Variants in IQCM observed in about 807,000 individuals in gnomAD.
The protein encoded by IQCM is IQ domain-containing protein M.
IQCM carries 45 observed loss-of-function variants against 57.6 expected under a neutral mutation model. The ratio of observed to expected loss-of-function variants is 0.78; its 90% CI spans 0.62 to 1.00. IQCM has a LOEUF of 1.00. Ranked by LOEUF, IQCM falls within the 50% of genes least tolerant of loss-of-function variation. The pLI is 0.00. For synonymous variants in IQCM, 148 were observed against 158.9 expected, an observed-to-expected ratio of 0.93 and a Z score of 0.51; for missense variants, 468 against 511.6, an observed-to-expected ratio of 0.91 and a Z score of 0.82.
chr4:149,778,226 A>G (rs1771279535), intron 2 of IQCM, among the ~76,000 whole-genome samples: 2 of 152,138 alleles, frequency 1.3e-5, no homozygotes, highest in South Asian at 2.1e-4. Context: ...AATACAAAAA[A>G]TTAGCCAGGC....
At chr4:149,352,190 A>G (rs974898297) in intron 13 of IQCM, 124 bp from the exon 14 acceptor site, 19 of 393,428 alleles carry the variant, frequency 4.8e-5, no homozygotes, top group Admixed American at 8.8e-5. Context: ...CATGCAAAAG[A>G]CTGGACTTGG....
At chr4:149,357,694 G>T (rs1441061180) in intron 13 of IQCM, among the ~76,000 whole-genome samples, 2 of 152,168 alleles carry the variant, frequency 1.3e-5, no homozygotes, top group African/African-American at 4.8e-5. Context: ...AAGGATATTG[G>T]TCTTGAATTC....
intron 12 of IQCM, among the ~76,000 whole-genome samples, chr4:149,449,230 CA>C (rs1736829980): frequency 2.2e-5 from 3 of 134,572 alleles, no homozygotes; most frequent in Non-Finnish European, 4.7e-5. Flanking sequence ...TCTATCAAAA[CA>C]AACAAACAAA....
At chr4:149,503,972 A>G (rs1005518307) in intron 12 of IQCM, among the ~76,000 whole-genome samples, 2 of 152,170 alleles carry the variant, frequency 1.3e-5, no homozygotes. Flanking sequence ...AAATTAAACA[A>G]ATTAGCAAAT....
In IQCM at chr4:149,705,034, A is replaced by C. The variant is rs550896193; in HGVS notation, c.386-18566T>G. ...TAAGGCCTTCAGACTTGGACTTACA[A>C]CACCAGCTTTCCTGGTTCTCCAGCT... On this transcript the variant is annotated intron_variant, in intron 5 of 13. Coordinates refer to ENST00000636793, the MANE Select transcript of IQCM (RefSeq NM_001363507.2). 1.4e-4 allele frequency among the ~76,000 whole-genome samples: 21 copies of C among 151,642 alleles called. No homozygotes were observed. In the South Asian group the frequency reaches 1.5e-3, roughly 10 times the overall value.
intron 2 of IQCM, among the ~76,000 whole-genome samples, chr4:149,784,706 G>T (rs1233564693): frequency 1.3e-5 from 2 of 152,058 alleles, no homozygotes; most frequent in Admixed American, 6.5e-5. Context: ...GAGCCACCGC[G>T]CCCGGCCTGA....
At chr4:149,520,116 G>T (rs1297910146) in intron 12 of IQCM, among the ~76,000 whole-genome samples, 1 of 151,976 alleles carries the variant, frequency 6.6e-6, no homozygotes, top group African/African-American at 2.4e-5. Flanking sequence ...GGTAATAATG[G>T]TTAACATTTT....
rs150965077 is a variant in IQCM at position 149,682,674 on chromosome 4, T to C, written c.477-468A>G. Among the ~76,000 whole-genome samples the C allele has an allele frequency of 1.7e-3, 255 of 151,334 alleles. 2 individuals carry two copies. Among genetic ancestry groups the C allele is most frequent in the Middle Eastern group, 6.8e-3 (2 of 294 alleles). ...CCCTAATCTTATTACCCTGATATTT[T>C]AGTAATAATTGCAAACCCTTCAATG... On this transcript the variant is annotated intron_variant, in intron 6 of 13. Coordinates refer to ENST00000636793, the MANE Select transcript of IQCM (RefSeq NM_001363507.2).
chr4:149,461,977 G>A (rs2149711460), intron 12 of IQCM, among the ~76,000 whole-genome samples: 1 of 152,082 alleles, frequency 6.6e-6, no homozygotes, highest in East Asian at 1.9e-4. Context: ...CTGGGGGTTG[G>A]GGTCCCCTAT....
At chr4:149,481,701 G>GTTTTTTTTTTTTTTTTTTTGTTTTTTTT (rs1740841793) in intron 12 of IQCM, among the ~76,000 whole-genome samples, 10 of 51,572 alleles carry the variant, frequency 1.9e-4, no homozygotes, top group African/African-American at 3.0e-4. Context: ...TTCCAGTTTT[G>GTTTTTTTTTTTTTTTTTTTGTTTTTTTT]TTTTTTTTTT....
chr4:149,683,588 T>C lies in IQCM; in HGVS notation c.477-1382A>G, dbSNP rs535716983. Among the ~76,000 whole-genome samples the C allele has an allele frequency of 2.6e-5, 4 of 151,478 alleles. No homozygotes were observed. The South Asian group carries it at 8.3e-4, about 31-fold the overall frequency. On this transcript the variant is annotated intron_variant, in intron 6 of 13. Transcript: ENST00000636793. ...AGAGACGTGAGTATGCAGTCAGTTT[T>C]ATAAAATTCCATTTGAAATTCTATA...
intron 2 of IQCM, among the ~76,000 whole-genome samples, chr4:149,786,317 G>A (rs948401477): frequency 1.3e-5 from 2 of 152,150 alleles, no homozygotes; most frequent in African/African-American, 2.4e-5. Context: ...AGATCAGGAA[G>A]CAGAATATCA....
intron 10 of IQCM, among the ~76,000 whole-genome samples, chr4:149,560,311 A>T (rs1161748433): frequency 6.6e-6 from 1 of 152,244 alleles, no homozygotes; most frequent in Non-Finnish European, 1.5e-5. Flanking sequence ...AAATTTATTG[A>T]TTCAACAAAT....
chr4:149,680,392 A>C (rs1762091463), intron 7 of IQCM, among the ~76,000 whole-genome samples: 2 of 151,318 alleles, frequency 1.3e-5, no homozygotes, highest in South Asian at 4.1e-4. Flanking sequence ...TCTGCAGTCT[A>C]TGTATAATCA....
At chr4:149,788,308 T>C (rs1050625208) in intron 2 of IQCM, among the ~76,000 whole-genome samples, 1 of 152,158 alleles carries the variant, frequency 6.6e-6, no homozygotes, top group Non-Finnish European at 1.5e-5. Flanking sequence ...GACTCCAGCC[T>C]GGGCGACAGA....
At chr4:149,765,215 AGTCT>A (rs1769926922) in intron 2 of IQCM, among the ~76,000 whole-genome samples, 1 of 152,128 alleles carries the variant, frequency 6.6e-6, no homozygotes, top group South Asian at 2.1e-4. Flanking sequence ...ACAAGGTCAG[AGTCT>A]GTCTGGAACA....
chr4:149,719,337 T>A, intron 5 of IQCM, among the ~76,000 whole-genome samples: 4 of 140,874 alleles, frequency 2.8e-5, no homozygotes, highest in African/African-American at 2.6e-5. Flanking sequence ...GGAACAAAAG[T>A]CAGTCTTAAA....
intron 13 of IQCM, among the ~76,000 whole-genome samples, chr4:149,410,829 C>G (rs1292704335): frequency 1.3e-5 from 2 of 152,030 alleles, no homozygotes; most frequent in Non-Finnish European, 2.9e-5. Flanking sequence ...TTAACATAGA[C>G]AAAGGACCTA....
chr4:149,635,756 A>G (rs1757665211), intron 7 of IQCM, among the ~76,000 whole-genome samples: 1 of 152,200 alleles, frequency 6.6e-6, no homozygotes, highest in Admixed American at 6.5e-5. Context: ...GAAACTCAGA[A>G]TATATTGATA....
Sources: gnomAD v4.1 joint callset for allele counts (sites outside exome capture counted in the v4.1 genomes callset) on GRCh38, gnomAD v4.1.1 for gene constraint, MANE v1.5 for transcripts, NCBI Gene and HGNC (gene_info 2026-07-23, HGNC 2026-07-21) for gene names.